Variants in MMS19 observed in about 807,000 individuals in gnomAD.
MMS19 encodes MMS19 nucleotide excision repair protein homolog.
Under a neutral mutation model 129.8 loss-of-function variants are expected in MMS19, and 77 were observed. The observed-to-expected ratio is 0.59, with a 90% CI of 0.49 to 0.72. The LOEUF is 0.72. MMS19 is among the 30% of genes least tolerant of loss of function. MMS19 has a pLI of 0.00. For synonymous variants in MMS19, 491 were observed against 502.8 expected (o/e 0.98, Z 0.31); for missense variants, 1,168 against 1,266.3 (o/e 0.92, Z 1.18).
At chr10:97,473,716 A>C (rs553277106) in intron 8 of MMS19, among the ~76,000 whole-genome samples, 1 of 152,268 alleles carries the variant, frequency 6.6e-6, no homozygotes, top group East Asian at 1.9e-4. Flanking sequence ...TGAAATTCAA[A>C]GTTTAGTGTT....
rs2034150211 is a variant in MMS19 at position 97,469,075 on chromosome 10, C to G, written c.954G>C (p.Glu318Asp). Residue 318 changes from glutamate (E) to aspartate (D), a missense_variant, in exon 12 of 31, where the codon GAG becomes GAC. Physicochemically the swap from Glu to Asp is conservative, Grantham distance 45. Coordinates refer to ENST00000438925, the MANE Select transcript of MMS19 (RefSeq NM_022362.5). Reference sequence around the variant, plus strand: ...AGTGGAGGGCCGCCAGGCCCTCTGCCTCCACCCGCTCACTTGCCGTCTGGA... The same window carrying G: ...AGTGGAGGGCCGCCAGGCCCTCTGCGTCCACCCGCTCACTTGCCGTCTGGA... ...EVFQTASERV[E>D]AEGLAALHSL... The G allele has an allele frequency of 6.3e-7, 1 of 1,581,138 alleles. No homozygotes were observed. The highest frequency in any genetic ancestry group is 8.6e-7 in the Non-Finnish European group (1 of 1,165,872).
In MMS19 at chr10:97,458,582, T is replaced by A. The variant is rs543812586; in HGVS notation, c.*110A>T. 9.3e-7 allele frequency: 1 copy of A among 1,075,472 alleles called. No homozygotes were observed. Among genetic ancestry groups the A allele is most frequent in the Non-Finnish European group, 1.3e-6 (1 of 745,806 alleles). The allele number at this position is 1,075,472 out of a possible 1,614,324, so 66.6% of individuals were successfully genotyped here. On this transcript the variant is annotated 3_prime_UTR_variant, in exon 31 of 31. Transcript: ENST00000438925. ...AGAGGCCTAGCATTTGTGCTGTGTC[T>A]GTGGGAAAGGCAGTCAGAGACCAGT... is the stretch of plus-strand genomic sequence containing the variant.
chr10:97,485,439 A>G (rs891104348), intron 1 of MMS19, among the ~76,000 whole-genome samples: 1 of 152,056 alleles, frequency 6.6e-6, no homozygotes, highest in African/African-American at 2.4e-5. Context: ...CAGTCTCCCA[A>G]GTAGCTGGGA....
Position 97,462,222 on chromosome 10 carries a change from C to T in MMS19, c.2013-103G>A, listed in dbSNP as rs573101165. On this transcript the variant is annotated intron_variant, in intron 20 of 30. Coordinates refer to ENST00000438925, the MANE Select transcript of MMS19 (RefSeq NM_022362.5). ...CCTAGGGTTTGAATTAGGATCACCA[C>T]GTCAATGGGACATGCCCTGATCATT... 14 of 771,218 alleles carry T rather than the reference C, an allele frequency of 1.8e-5. No individual in the cohort carries two copies. The East Asian group carries it at 1.9e-4, about 10-fold the overall frequency. The allele number at this position is 771,218 out of a possible 1,614,324, so 47.8% of individuals were successfully genotyped here.
At position 97,468,160 on chromosome 10, in the gene MMS19, T is replaced by C. The variant is rs753431662; in HGVS notation, c.1218+92A>G. On this transcript the variant is annotated intron_variant, in intron 13 of 30. Transcript: ENST00000438925. Reference sequence around the variant, plus strand: ...TGGGAGCAAAACCCAAGGTCTACTATGTTGGCCCAAGCTAAAACTTAGCTC... The same window carrying C: ...TGGGAGCAAAACCCAAGGTCTACTACGTTGGCCCAAGCTAAAACTTAGCTC... 5.3e-6 allele frequency: 7 copies of C among 1,332,352 alleles called. No homozygotes were observed. In the African/African-American group the frequency reaches 9.0e-5, roughly 17 times the overall value. 82.5% of individuals were successfully genotyped at this position (1,332,352 alleles called of 1,614,324 possible). A position where few individuals can be genotyped will look rare whatever the true frequency, so the allele number is the denominator to read the frequency against.
intron 30 of MMS19, 36 bp downstream of exon 30, chr10:97,458,764 C>T: frequency 1.2e-6 from 2 of 1,613,444 alleles, no homozygotes; most frequent in Non-Finnish European, 1.7e-6. Context: ...TGAGGCTCAT[C>T]TTGGTCCCAT....
intron 1 of MMS19, among the ~76,000 whole-genome samples, chr10:97,486,895 A>ATATATATATATATATT (rs57015711): frequency 7.1e-6 from 1 of 140,284 alleles, no homozygotes; most frequent in Non-Finnish European, 1.6e-5. Context: ...ATATATATAT[A>ATATATATATATATATT]AAATTAAGAC....
At chr10:97,493,939 TG>T (rs1554857162) in intron 1 of MMS19, among the ~76,000 whole-genome samples, 1 of 152,004 alleles carries the variant, frequency 6.6e-6, no homozygotes, top group Non-Finnish European at 1.5e-5. Flanking sequence ...CACTTGAACC[TG>T]GGGGGCAGAG....
chr10:97,486,862 C>CATATAT (rs148575472), intron 1 of MMS19, among the ~76,000 whole-genome samples: 2,961 of 84,586 alleles, frequency 0.035, 153 homozygotes, highest in African/African-American at 0.042. Flanking sequence ...ATTAAAGTGC[C>CATATAT]ATATATATAT....
Position 97,466,810 on chromosome 10 carries a change from G to A in MMS19, c.1389C>T (p.Gly463=). The A allele has an allele frequency of 6.2e-7, 1 of 1,614,014 alleles. No individual in the cohort carries two copies. The highest frequency in any genetic ancestry group is 8.5e-7 in the Non-Finnish European group (1 of 1,179,874). Residue 463 remains glycine (G), a synonymous_variant, in exon 15 of 31, where the codon GGC becomes GGT. Transcript: ENST00000438925. ...TDPSTQLQLV[G]IRTLTVLGAQ... Reference sequence around the variant, plus strand: ...CACCCAAGACTGTCAGTGTACGGATGCCAACAAGCTGAAGCTGGGTGCTGG... The same window carrying A: ...CACCCAAGACTGTCAGTGTACGGATACCAACAAGCTGAAGCTGGGTGCTGG...
chr10:97,492,152 A>G (rs1410104389), intron 1 of MMS19, among the ~76,000 whole-genome samples: 4 of 150,118 alleles, frequency 2.7e-5, no homozygotes, highest in African/African-American at 7.4e-5. Flanking sequence ...AAAAAAAAAA[A>G]AAAAGTATAA....
Position 97,459,681 on chromosome 10 carries a change from A to G in MMS19, c.2717T>C (p.Val906Ala). Residue 906 changes from valine (V) to alanine (A), a missense_variant, in exon 27 of 31, where the codon GTA becomes GCA. By Grantham distance (64) the Val-to-Ala change is moderately conservative. This residue lies in a region of MMS19 where 831 missense variants were observed against 910.8 expected (regional missense o/e 0.91). Transcript: ENST00000438925. The stretch of plus-strand genomic sequence containing the variant: ...TACCGTGGGCAGCTCTGGCAAGAGT[A>G]CAGGCTTGGGCAGCCTGTTAAGTAC... ...SHVLNRLPKPVLLPELPTLLS... is the reference protein window; with the variant it reads ...SHVLNRLPKPALLPELPTLLS... 1 of 1,612,560 alleles carries G rather than the reference A, an allele frequency of 6.2e-7. No homozygotes were observed. Among genetic ancestry groups the G allele is most frequent in the Non-Finnish European group, 8.5e-7 (1 of 1,179,294 alleles).
At chr10:97,480,081 CAT>C (rs944095519) in intron 3 of MMS19, among the ~76,000 whole-genome samples, 1 of 152,202 alleles carries the variant, frequency 6.6e-6, no homozygotes, top group Non-Finnish European at 1.5e-5. Flanking sequence ...TGTATCCCCA[CAT>C]GTGTAGAATA....
At chr10:97,464,630 A>G (rs1183790467) in intron 18 of MMS19, among the ~76,000 whole-genome samples, 1 of 151,892 alleles carries the variant, frequency 6.6e-6, no homozygotes, top group Non-Finnish European at 1.5e-5. Context: ...CCATCTTTTG[A>G]GCACCACGGC....
intron 3 of MMS19, among the ~76,000 whole-genome samples, chr10:97,479,086 G>A (rs7067759): frequency 1.3e-5 from 2 of 151,982 alleles, no homozygotes; most frequent in South Asian, 2.1e-4. Context: ...CTTGGCTTTG[G>A]AGCCCTCCCT....
chr10:97,478,983 G>T (rs75768137), intron 3 of MMS19, among the ~76,000 whole-genome samples: 1 of 152,084 alleles, frequency 6.6e-6, no homozygotes, highest in African/African-American at 2.4e-5. Context: ...GGAGGCTGAG[G>T]TGGGACGATC....
intron 16 of MMS19, 139 bp downstream of exon 16, chr10:97,466,365 C>T: frequency 1.3e-6 from 1 of 792,058 alleles, no homozygotes; most frequent in Admixed American, 2.1e-5. Context: ...TGGTTAGCAG[C>T]CAGAGTCTAA....
intron 1 of MMS19, among the ~76,000 whole-genome samples, chr10:97,484,733 C>A (rs566290602): frequency 6.6e-6 from 1 of 152,116 alleles, no homozygotes; most frequent in Non-Finnish European, 1.5e-5. Context: ...CTGGCTAACA[C>A]GGTGAAACCC....
chr10:97,494,668 TATCC>T (rs1347972687), intron 1 of MMS19, among the ~76,000 whole-genome samples: 2 of 152,210 alleles, frequency 1.3e-5, no homozygotes, highest in African/African-American at 4.8e-5. Flanking sequence ...AAAAAAATTA[TATCC>T]ATCACCTGCA....
Sources: allele counts gnomAD v4.1 joint callset (sites outside exome capture counted in the v4.1 genomes callset), GRCh38; gene constraint gnomAD v4.1.1; regional missense constraint gnomAD v4.1.1; transcripts MANE v1.5; gene names NCBI Gene and HGNC (gene_info 2026-07-23, HGNC 2026-07-21).